The following DHRSX variants were observed in gnomAD, a reference collection of about 807,000 sequenced individuals.
DHRSX encodes the protein polyprenol dehydrogenase.
In DHRSX, 31 loss-of-function variants were observed where a neutral mutation model predicts 34.0. The observed-to-expected ratio is 0.91, with a 90% CI of 0.69 to 1.23. The LOEUF (loss-of-function observed/expected upper bound fraction) is 1.23, where lower values mean the gene tolerates loss of function less well. Ranked by LOEUF, DHRSX falls within the 50% of genes most tolerant of loss-of-function variation. The probability of loss-of-function intolerance (pLI) is 0.00; values close to 1 mark genes in which losing one functional copy is unlikely to be tolerated. For synonymous variants in DHRSX, 201 were observed against 183.8 expected (o/e 1.09, Z -0.76); for missense variants, 414 against 428.1 (o/e 0.97, Z 0.29).
intron 2 of DHRSX, among the ~76,000 whole-genome samples, chrX:2,412,511 C>CT (rs112408827): frequency 0.16 from 22,762 of 145,176 alleles, 1,994 homozygotes; most frequent in African/African-American, 0.25. Flanking sequence ...AAGGGGTGGC[C>CT]TTTTTTTTTT....
chrX:2,221,694 T>C (rs1235805801), intron 6 of DHRSX, among the ~76,000 whole-genome samples: 1 of 152,162 alleles, frequency 6.6e-6, no homozygotes, highest in East Asian at 1.9e-4. Flanking sequence ...AATTGAGGCA[T>C]TTATGAGCTG....
chrX:2,448,259 G>A (rs2044165398), intron 1 of DHRSX, among the ~76,000 whole-genome samples: 1 of 152,148 alleles, frequency 6.6e-6, no homozygotes, highest in South Asian at 2.1e-4. Context: ...ACCTGAGCCA[G>A]GAGTTGGAGG....
In DHRSX at chrX:2,267,087, G is replaced by A. The variant is rs1176860551; in HGVS notation, c.389-140C>T. Reference sequence around the variant, plus strand: ...GCTGGCGGCCATGTCTTCCTCCTGGGCCTCTGTTTCCTGCTTTAGGTGTGA... The same window carrying A: ...GCTGGCGGCCATGTCTTCCTCCTGGACCTCTGTTTCCTGCTTTAGGTGTGA... On this transcript the variant is annotated intron_variant, in intron 4 of 6. Transcript: ENST00000334651. The A allele has an allele frequency of 3.3e-5, 26 of 789,876 alleles. No homozygotes were observed. The South Asian group carries it at 4.2e-4, about 13-fold the overall frequency. 48.9% of individuals were successfully genotyped at this position (789,876 alleles called of 1,614,324 possible).
In DHRSX at chrX:2,385,698, TGAGTTGCAACTAAGTCAG is replaced by T. The variant is rs1410122436; in HGVS notation, c.286+23029_286+23046del. The stretch of plus-strand genomic sequence containing the variant: ...AAGCATCCTTTGGTCTACAGGTGGA[TGAGTTGCAACTAAGTCAG>T]GAGTAATTTTTTTTTTAACCTGGAA... On this transcript the variant is annotated intron_variant, in intron 3 of 6. Transcript: ENST00000334651. Among the ~76,000 whole-genome samples, 11 of 152,310 alleles carry T rather than the reference TGAGTTGCAACTAAGTCAG, an allele frequency of 7.2e-5. No homozygotes were observed. The East Asian group carries it at 2.1e-3, about 29-fold the overall frequency.
intron 1 of DHRSX, among the ~76,000 whole-genome samples, chrX:2,497,865 A>G (rs2045320849): frequency 6.6e-6 from 1 of 152,222 alleles, no homozygotes; most frequent in Non-Finnish European, 1.5e-5. Flanking sequence ...GGCCATATCA[A>G]TGTTCAAGTT....
chrX:2,349,880 T>G, intron 3 of DHRSX, among the ~76,000 whole-genome samples: 1 of 138,792 alleles, frequency 7.2e-6, no homozygotes. Context: ...CCACTAAAAA[T>G]ACAAAAAAAT....
chrX:2,444,640 G>A (rs1418492464), intron 1 of DHRSX, among the ~76,000 whole-genome samples: 8 of 152,186 alleles, frequency 5.3e-5, no homozygotes, highest in Non-Finnish European at 1.2e-4. Context: ...AGACGAACCT[G>A]GGAAACATAG....
At position 2,351,881 on chromosome X, in the gene DHRSX, G is replaced by A. The variant is rs781231857; in HGVS notation, c.286+56864C>T. Among the ~76,000 whole-genome samples the A allele has an allele frequency of 2.0e-4, 31 of 152,186 alleles. No homozygotes were observed. The East Asian group carries it at 4.8e-3, about 24-fold the overall frequency. ...ATTACAGATGCCCAACACTACACCC[G>A]GCTAATTTTTGTATTTTTAGTAGAG... On this transcript the variant is annotated intron_variant, in intron 3 of 6. Transcript: ENST00000334651.
chrX:2,500,774 A>C, intron 1 of DHRSX, 43 bp downstream of exon 1: 160 of 511,946 alleles, frequency 3.1e-4, no homozygotes, highest in Middle Eastern at 9.0e-4. Context: ...GCCCGCGCCC[A>C]CCCGGGTCCC....
intron 3 of DHRSX, among the ~76,000 whole-genome samples, chrX:2,299,521 G>C (rs1400892664): frequency 2.0e-5 from 3 of 152,026 alleles, no homozygotes; most frequent in Non-Finnish European, 4.4e-5. Flanking sequence ...TCTTTTATTT[G>C]CAACTCAGTG....
chrX:2,362,071 G>T (rs1255559842), intron 3 of DHRSX, among the ~76,000 whole-genome samples: 1 of 152,128 alleles, frequency 6.6e-6, no homozygotes, highest in Non-Finnish European at 1.5e-5. Flanking sequence ...TCAAAGAAAA[G>T]GAAGGCTGGA....
intron 3 of DHRSX, among the ~76,000 whole-genome samples, chrX:2,397,068 A>G (rs2043421159): frequency 6.6e-6 from 1 of 151,902 alleles, no homozygotes; most frequent in Non-Finnish European, 1.5e-5. Flanking sequence ...GGTCGCGATC[A>G]TGGCTCACCA....
chrX:2,259,349 T>TAG, intron 5 of DHRSX, among the ~76,000 whole-genome samples: 1 of 136,132 alleles, frequency 7.3e-6, no homozygotes, highest in African/African-American at 2.7e-5. Context: ...TAGATATAGA[T>TAG]ATATAGATAG....
chrX:2,474,503 C>T (rs1005160412), intron 1 of DHRSX, among the ~76,000 whole-genome samples: 10 of 151,546 alleles, frequency 6.6e-5, no homozygotes, highest in South Asian at 2.1e-4. Flanking sequence ...AGAATGTGGC[C>T]AAGGGACCAC....
intron 1 of DHRSX, among the ~76,000 whole-genome samples, chrX:2,493,335 T>A (rs957786044): frequency 1.7e-4 from 26 of 152,000 alleles, no homozygotes; most frequent in East Asian, 5.8e-4. Flanking sequence ...CATCATCATA[T>A]TATTATTTGG....
chrX:2,297,359 G>C (rs777872003), intron 3 of DHRSX, among the ~76,000 whole-genome samples: 1 of 152,238 alleles, frequency 6.6e-6, no homozygotes, highest in African/African-American at 2.4e-5. Flanking sequence ...CTGGGCTCAA[G>C]CGATCCGCCC....
At chrX:2,408,117 CT>C (rs1404398142) in intron 3 of DHRSX, among the ~76,000 whole-genome samples, 2 of 142,308 alleles carry the variant, frequency 1.4e-5, no homozygotes, top group African/African-American at 5.3e-5. Context: ...TTTTTTCTTT[CT>C]TTCTTTTTTT....
chrX:2,317,442 G>T (rs1277175893), intron 3 of DHRSX, among the ~76,000 whole-genome samples: 1 of 150,416 alleles, frequency 6.6e-6, no homozygotes, highest in Non-Finnish European at 1.5e-5. Flanking sequence ...CAGTACAGAC[G>T]GGGTTTTGCC....
intron 3 of DHRSX, among the ~76,000 whole-genome samples, chrX:2,381,970 C>T (rs922078300): frequency 2.0e-5 from 3 of 152,118 alleles, no homozygotes; most frequent in African/African-American, 7.2e-5. Flanking sequence ...AGCTACATGG[C>T]TTCGTAGGAG....
Sources: allele counts gnomAD v4.1 joint callset (sites outside exome capture counted in the v4.1 genomes callset), GRCh38; gene constraint gnomAD v4.1.1; transcripts MANE v1.5; gene names NCBI Gene and HGNC (gene_info 2026-07-23, HGNC 2026-07-21).